PRKN: variants seen among roughly 807,000 people sequenced by gnomAD.
PRKN encodes parkin RBR E3 ubiquitin protein ligase.
A neutral mutation model predicts 59.5 loss-of-function variants in PRKN; 56 were observed. That is an observed-to-expected ratio of 0.94 (90% CI 0.76 to 1.18). The LOEUF (loss-of-function observed/expected upper bound fraction) is 1.18. PRKN is among the 50% of genes most tolerant of loss of function. The probability of loss-of-function intolerance (pLI) is 0.00; values close to 1 mark genes in which losing one functional copy is unlikely to be tolerated. For missense variants in PRKN, 657 were observed against 596.4 expected (o/e 1.10, Z -1.06); for synonymous variants, 250 against 222.1 (o/e 1.13, Z -1.12).
chr6:161,387,940 G>A (rs999452569), intron 9 of PRKN, among the ~76,000 whole-genome samples: 15 of 152,170 alleles, frequency 9.9e-5, no homozygotes, highest in Non-Finnish European at 1.5e-4. Flanking sequence ...GACTGAAGAC[G>A]CCCAAGGAAC....
intron 7 of PRKN, among the ~76,000 whole-genome samples, chr6:161,658,781 TAGA>T (rs1784445843): frequency 6.6e-6 from 1 of 152,364 alleles, no homozygotes; most frequent in Middle Eastern, 3.4e-3. Context: ...AGGGATCAAA[TAGA>T]AGAAGTAAAT....
chr6:161,416,673 C>T (rs1177364967), intron 9 of PRKN, among the ~76,000 whole-genome samples: 1 of 152,064 alleles, frequency 6.6e-6, no homozygotes, highest in Non-Finnish European at 1.5e-5. Flanking sequence ...AAAAACCAGG[C>T]AGGGAAAAAG....
chr6:161,500,864 G>GTTTTTTTTTTT (rs373088841), intron 9 of PRKN, among the ~76,000 whole-genome samples: 3 of 132,542 alleles, frequency 2.3e-5, no homozygotes, highest in African/African-American at 8.7e-5. Flanking sequence ...GTTTAGTTTA[G>GTTTTTTTTTTT]TTTTTTTTTT....
rs927309782 is a variant in PRKN at position 161,379,696 on chromosome 6, G to A, written c.1167+7098C>T. The stretch of plus-strand genomic sequence containing the variant: ...TAGGGATGTAAGGCCTGACCACTCT[G>A]TGTCCATGCACAACAACTCAGAAGG... On this transcript the variant is annotated intron_variant, in intron 10 of 11. Coordinates refer to ENST00000366898, the MANE Select transcript of PRKN (RefSeq NM_004562.3). The surrounding 1 kb of genome is among the most constrained non-coding windows in gnomAD (Gnocchi z 4.9). Among the ~76,000 whole-genome samples, 3 of 152,204 alleles carry A rather than the reference G, an allele frequency of 2.0e-5. No individual in the cohort carries two copies. Among genetic ancestry groups the A allele is most frequent in the Non-Finnish European group, 4.4e-5 (3 of 68,030 alleles).
At chr6:161,862,990 T>C (rs1169657480) in intron 6 of PRKN, among the ~76,000 whole-genome samples, 2 of 152,188 alleles carry the variant, frequency 1.3e-5, no homozygotes, top group Non-Finnish European at 2.9e-5. Flanking sequence ...TTATCCAGGA[T>C]GAACTGATTT....
intron 1 of PRKN, among the ~76,000 whole-genome samples, chr6:162,604,521 C>T (rs979081199): frequency 1.3e-5 from 2 of 152,082 alleles, no homozygotes; most frequent in Non-Finnish European, 2.9e-5. Flanking sequence ...AATAAGAAAC[C>T]TGATTGATTC....
At position 161,679,556 on chromosome 6, in the gene PRKN, C is replaced by CTT. The variant is rs34325718; in HGVS notation, c.871+106214_871+106215dup. ...TTCTTGGCAAGCTGGAGTTTCAAGT[C>CTT]TTTTTTTTTTTTTTTTTTTTTTTAA... On this transcript the variant is annotated intron_variant, in intron 7 of 11. Transcript: ENST00000366898. 3.6e-3 allele frequency among the ~76,000 whole-genome samples: 390 copies of CTT among 109,006 alleles called. 2 individuals are homozygous for CTT. Among genetic ancestry groups the CTT allele is most frequent in the African/African-American group, 5.2e-3 (151 of 28,906 alleles). 71.5% of individuals were successfully genotyped at this position (109,006 alleles called of 152,430 possible). A position where few individuals can be genotyped will look rare whatever the true frequency, so the allele number is the denominator to read the frequency against.
intron 6 of PRKN, among the ~76,000 whole-genome samples, chr6:161,865,919 A>G (rs547465706): frequency 6.6e-6 from 1 of 152,322 alleles, no homozygotes; most frequent in South Asian, 2.1e-4. Flanking sequence ...TTTTTGGCCT[A>G]TCTCAGCTTT....
intron 1 of PRKN, among the ~76,000 whole-genome samples, chr6:162,553,783 C>G (rs1562379133): frequency 1.0e-5 from 1 of 99,454 alleles, no homozygotes; most frequent in African/African-American, 4.0e-5. Context: ...GTATGGGCAA[C>G]AGAGCAAGAA....
intron 1 of PRKN, among the ~76,000 whole-genome samples, chr6:162,503,047 G>A (rs1222362345): frequency 6.7e-6 from 1 of 150,242 alleles, no homozygotes; most frequent in Admixed American, 6.6e-5. Flanking sequence ...TGTTTTTGAA[G>A]CATCAAATTT....
At chr6:161,944,019 T>A (rs1164456144) in intron 6 of PRKN, among the ~76,000 whole-genome samples, 4 of 94,508 alleles carry the variant, frequency 4.2e-5, no homozygotes, top group African/African-American at 1.8e-4. Flanking sequence ...GCCTGAGGGA[T>A]CAGCCTGAGG....
chr6:162,696,645 C>G (rs547874453), intron 1 of PRKN, among the ~76,000 whole-genome samples: 1 of 146,726 alleles, frequency 6.8e-6, no homozygotes, highest in Non-Finnish European at 1.5e-5. Flanking sequence ...GCTCACTGCA[C>G]TCCCAGGCTC....
intron 6 of PRKN, among the ~76,000 whole-genome samples, chr6:161,788,218 A>G (rs760161573): frequency 6.6e-6 from 1 of 152,218 alleles, no homozygotes; most frequent in Non-Finnish European, 1.5e-5. Flanking sequence ...CACATGGAAC[A>G]TCAATTGTCC....
At chr6:162,693,157 A>G (rs1414117399) in intron 1 of PRKN, among the ~76,000 whole-genome samples, 3 of 152,222 alleles carry the variant, frequency 2.0e-5, no homozygotes, top group Non-Finnish European at 4.4e-5. Flanking sequence ...CTTGTTGCCA[A>G]TGACTATCCT....
intron 7 of PRKN, among the ~76,000 whole-genome samples, chr6:161,782,740 A>C (rs1231172253): frequency 6.6e-6 from 1 of 151,994 alleles, no homozygotes; most frequent in East Asian, 1.9e-4. Flanking sequence ...CTAAAAATAC[A>C]AAAATTAGCA....
chr6:162,488,540 C>A (rs942343654), intron 1 of PRKN, among the ~76,000 whole-genome samples: 5 of 152,178 alleles, frequency 3.3e-5, no homozygotes, highest in African/African-American at 1.2e-4. Flanking sequence ...ACTCACACTT[C>A]CTCAGAGGCT....
chr6:161,738,415 G>A (rs765752770), intron 7 of PRKN, among the ~76,000 whole-genome samples: 9 of 152,156 alleles, frequency 5.9e-5, no homozygotes, highest in Non-Finnish European at 1.0e-4. Flanking sequence ...TATCTTAGTG[G>A]TGAGAGGCTT....
At chr6:161,889,443 G>A (rs1472446057) in intron 6 of PRKN, among the ~76,000 whole-genome samples, 2 of 152,148 alleles carry the variant, frequency 1.3e-5, no homozygotes, top group African/African-American at 2.4e-5. Flanking sequence ...ATGAACAACG[G>A]GCGCACAGCA....
At chr6:161,902,077 A>G (rs1777938587) in intron 6 of PRKN, among the ~76,000 whole-genome samples, 1 of 152,170 alleles carries the variant, frequency 6.6e-6, no homozygotes. Context: ...TTTCACTGCA[A>G]TGTTATCAAT....
Sources: allele counts gnomAD v4.1 joint callset (sites outside exome capture counted in the v4.1 genomes callset), GRCh38; gene constraint gnomAD v4.1.1; non-coding constraint Gnocchi (gnomAD v3.1); transcripts MANE v1.5; gene names NCBI Gene and HGNC (gene_info 2026-07-23, HGNC 2026-07-21).